TRIO: variants seen among roughly 807,000 people sequenced by gnomAD.
TRIO encodes triple functional domain protein.
A neutral mutation model predicts 351.9 loss-of-function variants in TRIO; 58 were observed. The ratio of observed to expected loss-of-function variants is 0.16; its 90% CI spans 0.13 to 0.21. TRIO has a LOEUF of 0.21. TRIO is among the 10% of genes least tolerant of loss of function. TRIO has a pLI of 1.00. For missense variants in TRIO, 3,201 were observed against 4,027.8 expected, an observed-to-expected ratio of 0.79 and a Z score of 5.56; for synonymous variants, 1,758 against 1,595.7, an observed-to-expected ratio of 1.10 and a Z score of -2.42.
chr5:14,213,901 G>A (rs145775468), intron 1 of TRIO, among the ~76,000 whole-genome samples: 80 of 152,286 alleles, frequency 5.3e-4, no homozygotes, highest in Middle Eastern at 3.4e-3. Flanking sequence ...TGAGGGACGG[G>A]GCTGTTCAAG....
intron 34 of TRIO, among the ~76,000 whole-genome samples, chr5:14,447,681 A>AT (rs1027371424): frequency 4.9e-4 from 75 of 151,978 alleles, no homozygotes; most frequent in Admixed American, 4.6e-4. Flanking sequence ...AAGTGATTTC[A>AT]TTTTTTTTCA....
At chr5:14,293,754 C>T (rs1413638851) in intron 6 of TRIO, among the ~76,000 whole-genome samples, 1 of 152,150 alleles carries the variant, frequency 6.6e-6, no homozygotes, top group Admixed American at 6.5e-5. Context: ...AAAACCAAAC[C>T]AAAACACTGA....
chr5:14,509,613 T>G lies in TRIO; in HGVS notation c.*1191T>G. The G allele has an allele frequency of 3.1e-6, 1 of 327,636 alleles. No individual in the cohort carries two copies. The highest frequency in any genetic ancestry group is 9.5e-5 in the East Asian group (1 of 10,568). The allele number at this position is 327,636 out of a possible 1,614,324, so 20.3% of individuals were successfully genotyped here. On this transcript the variant is annotated 3_prime_UTR_variant, in exon 57 of 57. Transcript: ENST00000344204. Reference sequence around the variant, plus strand: ...TCTGGACATTTACTACTTTTTAGACTTTTTGACGTTGAACTTTCTGTATAA... The same window carrying G: ...TCTGGACATTTACTACTTTTTAGACGTTTTGACGTTGAACTTTCTGTATAA...
At chr5:14,436,435 G>C (rs913671797) in intron 34 of TRIO, among the ~76,000 whole-genome samples, 8 of 151,782 alleles carry the variant, frequency 5.3e-5, no homozygotes, top group Admixed American at 4.6e-4. Context: ...CAGCCAAACC[G>C]TATCATTCCA....
chr5:14,213,434 A>G (rs930333650), intron 1 of TRIO, among the ~76,000 whole-genome samples: 6 of 151,896 alleles, frequency 4.0e-5, no homozygotes, highest in South Asian at 2.1e-4. Flanking sequence ...CGAGCAGGCT[A>G]CTTTCACATG....
At chr5:14,262,178 A>G (rs919276494) in intron 1 of TRIO, among the ~76,000 whole-genome samples, 1 of 152,150 alleles carries the variant, frequency 6.6e-6, no homozygotes, top group Non-Finnish European at 1.5e-5. Context: ...CCAGCTGCTA[A>G]TAGGAACACC....
chr5:14,143,735 A>G lies in TRIO; in HGVS notation c.10A>G (p.Ser4Gly). MSG[S>G]SGGAAAPAAS... ...GGGCGCCGCCGCAGCCATGAGCGGC[A>G]GCAGCGGCGGAGCCGCCGCCCCCGC... The change falls in exon 1 of 57, where the codon AGC becomes GGC. Residue 4 changes from serine (S) to glycine (G), a missense_variant. This residue lies in a region of TRIO where 109 missense variants were observed against 134.6 expected (regional missense o/e 0.81). Transcript: ENST00000344204. The G allele has an allele frequency of 6.1e-6, 6 of 978,882 alleles. No homozygotes were observed. Among genetic ancestry groups the G allele is most frequent in the African/African-American group, 1.8e-5 (1 of 56,308 alleles). The allele number at this position is 978,882 out of a possible 1,614,324, so 60.6% of individuals were successfully genotyped here. A position where few individuals can be genotyped will look rare whatever the true frequency, so the allele number is the denominator to read the frequency against.
intron 1 of TRIO, among the ~76,000 whole-genome samples, chr5:14,223,671 C>T (rs1792793614): frequency 6.6e-6 from 1 of 152,172 alleles, no homozygotes; most frequent in Admixed American, 6.5e-5. Flanking sequence ...GGCCAAGTTT[C>T]CGGGAAGCAG....
chr5:14,358,186 G>A lies in TRIO; in HGVS notation c.2055G>A (p.Thr685=), dbSNP rs763907792. The A allele has an allele frequency of 1.4e-5, 23 of 1,612,066 alleles. No individual in the cohort carries two copies. The highest frequency in any genetic ancestry group is 1.9e-5 in the Non-Finnish European group (22 of 1,178,726). ...CCTCTCCCCTTCCCCAGCTGTGGAC[G>A]TGGCTGGAGGAGCTGCAGAAGGAGC... ...SFHTHVKELW[T]WLEELQKELL... Residue 685 remains threonine (T), a synonymous_variant, in exon 12 of 57, where the codon ACG becomes ACA. Transcript: ENST00000344204.
intron 11 of TRIO, among the ~76,000 whole-genome samples, chr5:14,356,218 C>G (rs2152334397): frequency 6.6e-6 from 1 of 152,226 alleles, no homozygotes; most frequent in South Asian, 2.1e-4. Context: ...GTAAATATTG[C>G]TCAGTGAACA....
intron 55 of TRIO, 99 bp downstream of exon 55, chr5:14,504,692 T>C: frequency 7.0e-7 from 1 of 1,425,814 alleles, no homozygotes; most frequent in African/African-American, 1.4e-5. Flanking sequence ...AGAAATTGGG[T>C]TTGTAGAATT....
chr5:14,465,116 G>A (rs923430074), intron 36 of TRIO, among the ~76,000 whole-genome samples: 1 of 151,798 alleles, frequency 6.6e-6, no homozygotes, highest in Non-Finnish European at 1.5e-5. Context: ...CTTAGTACCT[G>A]TTTTGTTTCC....
At chr5:14,464,662 A>G (rs1402396815) in intron 36 of TRIO, among the ~76,000 whole-genome samples, 1 of 152,208 alleles carries the variant, frequency 6.6e-6, no homozygotes, top group Non-Finnish European at 1.5e-5. Context: ...CCACACGTGT[A>G]AAAGCCTTGT....
chr5:14,190,824 G>A (rs561800890), intron 1 of TRIO, among the ~76,000 whole-genome samples: 87 of 152,110 alleles, frequency 5.7e-4, no homozygotes, highest in African/African-American at 2.0e-3. Context: ...AGTATCTCAG[G>A]ACAAATATAC....
chr5:14,431,327 A>C (rs1411344295), intron 34 of TRIO, among the ~76,000 whole-genome samples: 1 of 152,212 alleles, frequency 6.6e-6, no homozygotes, highest in East Asian at 1.9e-4. Context: ...ATCACAGACT[A>C]TTCAGGGGGC....
intron 34 of TRIO, among the ~76,000 whole-genome samples, chr5:14,457,166 C>T (rs2068761470): frequency 6.6e-6 from 1 of 152,032 alleles, no homozygotes. Context: ...TTTTAAATTC[C>T]ACAAAATTTT....
intron 1 of TRIO, among the ~76,000 whole-genome samples, chr5:14,269,102 G>A (rs185544912): frequency 1.3e-5 from 2 of 152,270 alleles, no homozygotes; most frequent in Admixed American, 6.5e-5. Context: ...GCCCCAGCTC[G>A]GTCAAATCTA....
intron 1 of TRIO, chr5:14,184,023 G>C (rs899699354): frequency 1.4e-6 from 1 of 693,832 alleles, no homozygotes; most frequent in Admixed American, 2.0e-5. Flanking sequence ...TGTGTGGCTC[G>C]AGGGTTTCTC....
At chr5:14,472,682 A>G in intron 39 of TRIO, 24 bp downstream of exon 39, 1 of 1,612,440 alleles carries the variant, frequency 6.2e-7, no homozygotes, top group Non-Finnish European at 8.5e-7. Flanking sequence ...GAAATTTAGT[A>G]TCTTCGTATC....
Sources: gnomAD v4.1 joint callset for allele counts (sites outside exome capture counted in the v4.1 genomes callset) on GRCh38, gnomAD v4.1.1 for gene constraint, gnomAD v4.1.1 regional missense constraint, MANE v1.5 for transcripts, NCBI Gene and HGNC (gene_info 2026-07-23, HGNC 2026-07-21) for gene names.